IGFN1: variants seen among roughly 807,000 people sequenced by gnomAD.
The protein encoded by IGFN1 is immunoglobulin-like and fibronectin type III domain-containing protein 1.
A neutral mutation model predicts 289.5 loss-of-function variants in IGFN1; 253 were observed. That is an observed-to-expected ratio of 0.87 (90% confidence interval 0.79 to 0.97). IGFN1 has a LOEUF of 0.97. Ranked by LOEUF, IGFN1 falls within the 50% of genes least tolerant of loss-of-function variation. The pLI is 0.00. For missense variants in IGFN1, 4,470 were observed against 4,686.1 expected, an observed-to-expected ratio of 0.95 and a Z score of 1.35; for synonymous variants, 1,706 against 1,788.5, an observed-to-expected ratio of 0.95 and a Z score of 1.16.
chr1:201,226,111 C>A lies in IGFN1; in HGVS notation c.10774C>A (p.Pro3592Thr), dbSNP rs1654078859. The A allele has an allele frequency of 6.3e-7, 1 of 1,595,544 alleles. No individual in the cohort carries two copies. The highest frequency in any genetic ancestry group is 1.1e-5 in the South Asian group (1 of 89,032). ...GGACACCAGCCAGCCCTGGTGCATC[C>A]CCCGGCAGCGCGGTAAGCAGCCCCT... ...PSDTSQPWCI[P>T]RQRDRFTVKA... Residue 3592 changes from proline to threonine, a missense_variant, in exon 22 of 24, where the codon CCC (proline) becomes ACC (threonine). Pro to Thr is a conservative substitution (Grantham distance 38). Coordinates refer to ENST00000335211, the MANE Select transcript of IGFN1 (RefSeq NM_001164586.2).
intron 18 of IGFN1, among the ~76,000 whole-genome samples, chr1:201,219,156 C>T (rs1415220492): frequency 6.6e-6 from 1 of 152,218 alleles, no homozygotes; most frequent in East Asian, 1.9e-4. Context: ...CTGCCCCAGT[C>T]TCATAAGCAT....
chr1:201,215,436 A>T, intron 14 of IGFN1, 103 bp from the exon 15 acceptor site: 1 of 1,064,694 alleles, frequency 9.4e-7, no homozygotes, highest in Non-Finnish European at 1.4e-6. Flanking sequence ...GGGGCAGGGG[A>T]TTCCTTACTC....
rs1454901491 is a variant in IGFN1, at chr1:201,213,560, T to A, written c.8667T>A (p.Ala2889=). ...RLDIYGERRD[A]TRSSTSRYKP... ...ACATCTATGGAGAGAGGAGAGATGC[T>A]ACCCGGAGTTCCACATCCAGATACA... The change falls in exon 12 of 24, where the codon GCT becomes GCA. Residue 2889 remains alanine (A), a synonymous_variant. Coordinates refer to ENST00000335211, the MANE Select transcript of IGFN1 (RefSeq NM_001164586.2). 1 of 1,613,932 alleles carries A rather than the reference T, an allele frequency of 6.2e-7. No homozygotes were observed. The highest frequency in any genetic ancestry group is 1.1e-5 in the South Asian group (1 of 91,068).
At chr1:201,221,837 G>A (rs1165166264) in intron 19 of IGFN1, 91 bp downstream of exon 19, 1 of 1,114,924 alleles carries the variant, frequency 9.0e-7, no homozygotes, top group Non-Finnish European at 1.3e-6. Context: ...TACTAAGCCA[G>A]GATCCCCACC....
At position 201,213,467 on chromosome 1, in the gene IGFN1, T is replaced by C. The variant is rs1274867392; in HGVS notation, c.8574T>C (p.Asn2858=). 8.7e-6 allele frequency: 14 copies of C among 1,613,766 alleles called. No individual in the cohort carries two copies. Among genetic ancestry groups the C allele is most frequent in the South Asian group, 4.4e-5 (4 of 91,066 alleles). ...GGGGGTGCCTGGAGGAGATGCTGAA[T>C]GAAGATCAGAGCCGGGAGCCCCCTG... The part of the protein sequence containing the change: ...ENWGCLEEML[N]EDQSREPPGH... The change falls in exon 12 of 24, where the codon AAT becomes AAC. Residue 2858 remains asparagine (N), a synonymous_variant. Coordinates refer to ENST00000335211, the MANE Select transcript of IGFN1 (RefSeq NM_001164586.2).
chr1:201,197,848 A>G (rs1220743548), intron 5 of IGFN1, among the ~76,000 whole-genome samples: 1 of 152,230 alleles, frequency 6.6e-6, no homozygotes, highest in Non-Finnish European at 1.5e-5. Context: ...TATGCTTACA[A>G]TTGATCTGCC....
At position 201,193,282 on chromosome 1, in the gene IGFN1, G is replaced by A. The variant is rs1428138813; in HGVS notation, c.-12G>A. 2 of 1,539,330 alleles carry A rather than the reference G, an allele frequency of 1.3e-6. No homozygotes were observed. Among genetic ancestry groups the A allele is most frequent in the East Asian group, 2.4e-5 (1 of 40,886 alleles). On this transcript the variant is annotated 5_prime_UTR_variant, in exon 2 of 24. Coordinates refer to ENST00000335211, the MANE Select transcript of IGFN1 (RefSeq NM_001164586.2). ...CTTCTACCCTCAGAGGAGTCAAAGAGGAGGCAGAACTATGGCAGGTAAGAG... is the reference window on the plus strand; with the variant it reads ...CTTCTACCCTCAGAGGAGTCAAAGAAGAGGCAGAACTATGGCAGGTAAGAG...
rs376131461 is a variant in IGFN1 at position 201,218,543 on chromosome 1, G to A, written c.9783G>A (p.Thr3261=). The change falls in exon 18 of 24, where the codon ACG becomes ACA. Residue 3261 remains threonine, a synonymous_variant. Coordinates refer to ENST00000335211, the MANE Select transcript of IGFN1 (RefSeq NM_001164586.2). ...GGCTGTTCACAGAGAGGAGGTGGACGGTGGCGGACGTGCGGCAGGGCTGTC... is the reference window on the plus strand; with the variant it reads ...GGCTGTTCACAGAGAGGAGGTGGACAGTGGCGGACGTGCGGCAGGGCTGTC... ...NDQPVPERRW[T]VADVRQGCQY... 96 of 1,613,022 alleles carry A rather than the reference G, an allele frequency of 6.0e-5. No homozygotes were observed. The highest frequency in any genetic ancestry group is 7.6e-5 in the Non-Finnish European group (90 of 1,179,766).
chr1:201,222,630 C>T, intron 19 of IGFN1, 109 bp from the exon 20 acceptor site: 3 of 663,384 alleles, frequency 4.5e-6, no homozygotes, highest in Non-Finnish European at 8.1e-6. Context: ...ATCTCAGCAT[C>T]AATCCGACTG....
In IGFN1 at chr1:201,197,255, G is replaced by A. The variant is rs4915221; in HGVS notation, c.305G>A (p.Arg102His). Residue 102 changes from arginine to histidine, a missense_variant, in exon 5 of 24, where the codon CGC becomes CAC. Around this residue, in one of 8 missense-constraint regions of IGFN1, gnomAD observed 2,011 missense variants for 1,953.4 expected, o/e 1.03. Coordinates refer to ENST00000335211, the MANE Select transcript of IGFN1 (RefSeq NM_001164586.2). ...KLTGEDTDLYRCTAVNAYGEA... is the reference protein window; with the variant it reads ...KLTGEDTDLYHCTAVNAYGEA... ...ACAGGCGAGGACACGGATCTGTACC[G>A]CTGCACAGCAGTAAATGCGTACGGA... The A allele has an allele frequency of 0.59, 918,986 of 1,549,676 alleles. 277,516 individuals are homozygous for A. The highest frequency in any genetic ancestry group is 0.84 in the East Asian group (34,236 of 40,906).
chr1:201,197,928 GT>G (rs1192111458), intron 5 of IGFN1, among the ~76,000 whole-genome samples: 1 of 152,206 alleles, frequency 6.6e-6, no homozygotes, highest in Non-Finnish European at 1.5e-5. Flanking sequence ...CACATAAGAA[GT>G]TTTGCGAGTG....
chr1:201,209,405 AGG>A lies in IGFN1; in HGVS notation c.4516_4517del (p.Gly1506PhefsTer8). On this transcript the variant is annotated frameshift_variant, in exon 12 of 24. Transcript: ENST00000335211. LOFTEE classifies it high-confidence loss of function. Reference protein sequence around the residue: ...YRKDLGVSEGGGSGSKAGYRG... With the variant: ...YRKDLGVSEGXGSGSKAGYRG... The stretch of plus-strand genomic sequence containing the variant: ...GGAAAGATTTGGGGGTTTCTGAGGG[AGG>A]GGGTTCAGGGAGCAAAGCAGGTTAT... 6.6e-7 allele frequency: 1 copy of A among 1,516,626 alleles called. No homozygotes were observed. The highest frequency in any genetic ancestry group is 8.8e-7 in the Non-Finnish European group (1 of 1,138,888). 93.9% of individuals were successfully genotyped at this position (1,516,626 alleles called of 1,614,324 possible). A position where few individuals can be genotyped will look rare whatever the true frequency, so the allele number is the denominator to read the frequency against.
Position 201,206,361 on chromosome 1 carries a change from G to T in IGFN1, c.1468G>T (p.Glu490Ter). ...AGCCTGGGGCCCTGGACAGGAGGGC[G>T]AGGGCTTTCCAGTAGCAGAGGGAAG... ...DSAWGPGQEG[E>*]GFPVAEGSRA... The change falls in exon 12 of 24, where the codon GAG (glutamate) becomes TAG (stop). Residue 490 changes from glutamate to a stop codon, truncating the protein, a stop_gained. Transcript: ENST00000335211. LOFTEE classifies it high-confidence loss of function. 6.4e-7 allele frequency: 1 copy of T among 1,550,516 alleles called. No individual in the cohort carries two copies. The highest frequency in any genetic ancestry group is 8.7e-7 in the Non-Finnish European group (1 of 1,146,982).
intron 21 of IGFN1, 38 bp from the exon 22 acceptor site, chr1:201,225,785 TC>T: frequency 6.4e-7 from 1 of 1,565,620 alleles, no homozygotes; most frequent in Non-Finnish European, 8.6e-7. Context: ...CCCTGCTGGG[TC>T]CCCTCCACGT....
At chr1:201,196,089 G>A in intron 4 of IGFN1, 111 bp downstream of exon 4, 2 of 1,108,910 alleles carry the variant, frequency 1.8e-6, no homozygotes, top group Non-Finnish European at 2.5e-6. Context: ...ACTCCTCGTT[G>A]AGGTTGAATC....
At chr1:201,221,100 T>C (rs1278645221) in intron 18 of IGFN1, among the ~76,000 whole-genome samples, 1 of 152,190 alleles carries the variant, frequency 6.6e-6, no homozygotes, top group Non-Finnish European at 1.5e-5. Context: ...AGTCTAGTCA[T>C]ACGGGATAAT....
Position 201,205,317 on chromosome 1 carries a change from C to T in IGFN1, c.1152C>T (p.Thr384=), listed in dbSNP as rs902299967. ...FSDMGPYSLG[T]GLYTSSAWLV... ...ACATGGGCCCCTATTCGCTGGGCAC[C>T]GGGCTCTACACTTCCAGCGCCTGGC... The change falls in exon 11 of 24, where the codon ACC becomes ACT. Residue 384 remains threonine, a synonymous_variant. Transcript: ENST00000335211. The T allele has an allele frequency of 2.5e-5, 38 of 1,548,378 alleles. No individual in the cohort carries two copies. The highest frequency in any genetic ancestry group is 4.8e-5 in the South Asian group (4 of 83,868).
At chr1:201,200,835 T>C (rs866778390) in intron 8 of IGFN1, among the ~76,000 whole-genome samples, 150 of 149,900 alleles carry the variant, frequency 1.0e-3, no homozygotes, top group African/African-American at 3.5e-3. Flanking sequence ...TTTCTTTCTT[T>C]TTTTTTTTTT....
intron 2 of IGFN1, 84 bp from the exon 3 acceptor site, chr1:201,194,070 G>T: frequency 6.7e-7 from 1 of 1,484,394 alleles, no homozygotes; most frequent in South Asian, 1.3e-5. Context: ...CCTGGGGTGA[G>T]TGGGTGGATG....
Sources: gnomAD v4.1 joint callset for allele counts (sites outside exome capture counted in the v4.1 genomes callset) on GRCh38, gnomAD v4.1.1 for gene constraint, gnomAD v4.1.1 regional missense constraint, MANE v1.5 for transcripts, NCBI Gene and HGNC (gene_info 2026-07-23, HGNC 2026-07-21) for gene names.